The following RHOBTB2 variants were observed in gnomAD, a reference collection of about 807,000 sequenced individuals.
RHOBTB2 encodes Rho related BTB domain containing 2, also known as rho-related BTB domain-containing protein 2.
Under a neutral mutation model 66.5 loss-of-function variants are expected in RHOBTB2, and 39 were observed. The observed-to-expected ratio is 0.59, with a 90% confidence interval of 0.45 to 0.77. RHOBTB2 has a LOEUF of 0.77. Among genes scored for constraint, RHOBTB2 ranks in the 30% least tolerant of loss-of-function variants. The pLI is 0.00. For synonymous variants in RHOBTB2, 390 were observed against 395.0 expected, an observed-to-expected ratio of 0.99 and a Z score of 0.15; for missense variants, 755 against 999.1, an observed-to-expected ratio of 0.76 and a Z score of 3.29.
chr8:22,952,188 C>G, the RHOBTB2 span, among the ~76,000 whole-genome samples: 1,792 of 152,232 alleles, frequency 0.012, 34 homozygotes, highest in African/African-American at 0.039. Context: ...AAAGTATGCC[C>G]TTGACCCAAC....
the RHOBTB2 span, among the ~76,000 whole-genome samples, chr8:22,970,257 C>T: frequency 1.1e-4 from 17 of 152,262 alleles, no homozygotes; most frequent in Non-Finnish European, 1.6e-4. Context: ...CATCCTCACG[C>T]GGCAGAAGGT....
chr8:23,005,924 G>A, intron 3 of RHOBTB2, 36 bp from the exon 4 acceptor site: 1 of 1,588,160 alleles, frequency 6.3e-7, no homozygotes, highest in Non-Finnish European at 8.6e-7. Context: ...GCTACCACTT[G>A]TTTCTCTGCC....
chr8:22,977,673 G>C, the RHOBTB2 span, among the ~76,000 whole-genome samples: 1 of 151,864 alleles, frequency 6.6e-6, no homozygotes, highest in Non-Finnish European at 1.5e-5. Flanking sequence ...TTCCATCATG[G>C]TATACCCATT....
intron 7 of RHOBTB2, 92 bp from the exon 8 acceptor site, chr8:23,014,598 C>T: frequency 8.3e-7 from 1 of 1,208,198 alleles, no homozygotes; most frequent in Non-Finnish European, 1.2e-6. Context: ...CCCTGGTTTT[C>T]CTCACCCTGA....
upstream of RHOBTB2, among the ~76,000 whole-genome samples, chr8:22,986,321 G>C (rs1810289018): frequency 7.0e-6 from 1 of 142,640 alleles, no homozygotes; most frequent in African/African-American, 2.6e-5. Flanking sequence ...TTTCGCCCAG[G>C]TGTGCAGTGC....
upstream of RHOBTB2, chr8:22,994,618 A>C: frequency 6.4e-7 from 1 of 1,551,584 alleles, no homozygotes; most frequent in Non-Finnish European, 8.7e-7. Flanking sequence ...GATGGCCCCC[A>C]GAAGACCTCT....
upstream of RHOBTB2, chr8:22,994,719 T>C (rs79041754): frequency 1.9e-3 from 2,219 of 1,163,434 alleles, 25 homozygotes; most frequent in African/African-American, 0.025. Flanking sequence ...AACTCCCAAA[T>C]TGTTTGTTGA....
At chr8:22,997,351 A>T (rs1810600594), upstream of RHOBTB2, among the ~76,000 whole-genome samples, 1 of 152,190 alleles carries the variant, frequency 6.6e-6, no homozygotes, top group African/African-American at 2.4e-5. Flanking sequence ...GAAAGGCTGA[A>T]AGAGGGAACT....
upstream of RHOBTB2, chr8:22,995,920 T>C: frequency 2.6e-6 from 4 of 1,546,654 alleles, no homozygotes; most frequent in Non-Finnish European, 3.5e-6. Flanking sequence ...TAAAGCTGCC[T>C]GTGAAGCAAA....
upstream of RHOBTB2, chr8:22,999,446 T>C: frequency 1.7e-6 from 1 of 577,950 alleles, no homozygotes; most frequent in African/African-American, 2.1e-5. Flanking sequence ...GCGGGAGCGG[T>C]GCTGCGAGGC....
At chr8:22,999,489 C>A, upstream of RHOBTB2, 1 of 980,824 alleles carries the variant, frequency 1.0e-6, no homozygotes, top group Non-Finnish European at 1.3e-6. Context: ...CCCTTCTTCC[C>A]CCGCCCGCCC....
intron 7 of RHOBTB2, among the ~76,000 whole-genome samples, chr8:23,014,016 T>C (rs918643776): frequency 2.0e-5 from 3 of 152,206 alleles, no homozygotes; most frequent in Non-Finnish European, 4.4e-5. Context: ...CTCCAGGAAG[T>C]CCTAGTTTCT....
In RHOBTB2 at chr8:23,019,989, C is replaced by A. The variant is rs891483113; in HGVS notation, c.*2520C>A. The A allele has an allele frequency of 6.5e-6, 2 of 308,624 alleles. No homozygotes were observed. Among genetic ancestry groups the A allele is most frequent in the African/African-American group, 2.2e-5 (1 of 45,642 alleles). 19.1% of individuals were successfully genotyped at this position (308,624 alleles called of 1,614,324 possible). Reference sequence around the variant, plus strand: ...ACTCTGGGGAGTCGGATTCAGGAAACACCCCCAGGAGGCCAAGCCTGAAAA... The same window carrying A: ...ACTCTGGGGAGTCGGATTCAGGAAAAACCCCCAGGAGGCCAAGCCTGAAAA... On this transcript the variant is annotated 3_prime_UTR_variant, in exon 10 of 10. Transcript: ENST00000251822.
rs1455588268 is a variant in RHOBTB2 at position 22,999,834 on chromosome 8, C to A, written c.-282C>A. On this transcript the variant is annotated 5_prime_UTR_variant, in exon 1 of 10. Transcript: ENST00000251822. ...CGCCGCCGTGACATTGGGCGCCTGG[C>A]GCGCGGGGCGATGCTGATCCGGAAG... 2.0e-6 allele frequency: 2 copies of A among 984,284 alleles called. No homozygotes were observed. Among genetic ancestry groups the A allele is most frequent in the Non-Finnish European group, 2.4e-6 (2 of 829,874 alleles). 61.0% of individuals were successfully genotyped at this position (984,284 alleles called of 1,614,324 possible).
chr8:22,999,640 CT>C lies in RHOBTB2; in HGVS notation c.-469del. ...TTCTTTTCTTTTTTTTTTCCCTATC[CT>C]TTTTTTGTGAATGAAAAAAGGAGGT... is the stretch of plus-strand genomic sequence containing the variant. On this transcript the variant is annotated 5_prime_UTR_variant, in exon 1 of 10. Coordinates refer to ENST00000251822, the MANE Select transcript of RHOBTB2 (RefSeq NM_015178.3). 12 of 1,245,952 alleles carry C rather than the reference CT, an allele frequency of 9.6e-6. No individual in the cohort carries two copies. Among genetic ancestry groups the C allele is most frequent in the East Asian group, 7.9e-5 (1 of 12,662 alleles). The allele number at this position is 1,245,952 out of a possible 1,614,324, so 77.2% of individuals were successfully genotyped here.
At chr8:22,964,869 T>A in the RHOBTB2 span, among the ~76,000 whole-genome samples, 2 of 151,864 alleles carry the variant, frequency 1.3e-5, no homozygotes, top group South Asian at 4.2e-4. Context: ...CAGGCTGGAG[T>A]GCAATGGTGC....
intron 9 of RHOBTB2, 81 bp downstream of exon 9, chr8:23,015,824 C>A: frequency 1.0e-6 from 1 of 990,932 alleles, no homozygotes. Flanking sequence ...CCAGGGACCC[C>A]GAGGCTGCCA....
chr8:22,994,439 T>C, intron 2 of RHOBTB2: 1 of 598,300 alleles, frequency 1.7e-6, no homozygotes, highest in South Asian at 2.2e-5. Flanking sequence ...GCCGCTCTCT[T>C]GTCCTGAGTA....
chr8:23,007,501 G>A lies in RHOBTB2; in HGVS notation c.1256G>A (p.Ser419Asn), dbSNP rs1360903932. The A allele has an allele frequency of 1.9e-6, 3 of 1,613,912 alleles. No individual in the cohort carries two copies. Among genetic ancestry groups the A allele is most frequent in the Non-Finnish European group, 1.7e-6 (2 of 1,179,966 alleles). ...CTGATGGTGGTGGTGAAGATGGACAGTTCCATCCAGCCGGGGCCCTTCCGG... is the reference window on the plus strand; with the variant it reads ...CTGATGGTGGTGGTGAAGATGGACAATTCCATCCAGCCGGGGCCCTTCCGG... ...SRLMVVVKMD[S>N]SIQPGPFRAV... Residue 419 changes from serine (S) to asparagine (N), a missense_variant, in exon 5 of 10, where the codon AGT becomes AAT. Around this residue, in one of 7 missense-constraint regions of RHOBTB2, gnomAD observed 353 missense variants for 458.2 expected, o/e 0.77. Coordinates refer to ENST00000251822, the MANE Select transcript of RHOBTB2 (RefSeq NM_015178.3).
Sources: gnomAD v4.1 joint callset for allele counts (sites outside exome capture counted in the v4.1 genomes callset) on GRCh38, gnomAD v4.1.1 for gene constraint, gnomAD v4.1.1 regional missense constraint, MANE v1.5 for transcripts, NCBI Gene and HGNC (gene_info 2026-07-23, HGNC 2026-07-21) for gene names.